Variants in THSD7A observed in about 807,000 individuals in gnomAD.
THSD7A encodes thrombospondin type 1 domain containing 7A.
Under a neutral mutation model 231.3 loss-of-function variants are expected in THSD7A, and 96 were observed. That is an observed-to-expected ratio of 0.41 (90% CI 0.35 to 0.49). THSD7A has a LOEUF of 0.49. Among genes scored for constraint, THSD7A ranks in the 20% least tolerant of loss-of-function variants. The pLI is 0.05. For synonymous variants in THSD7A, 940 were observed against 743.3 expected, an observed-to-expected ratio of 1.26 and a Z score of -4.30; for missense variants, 2,290 against 2,070.2, an observed-to-expected ratio of 1.11 and a Z score of -2.06.
chr7:11,779,835 G>A (rs1783566578), intron 1 of THSD7A, among the ~76,000 whole-genome samples: 1 of 152,126 alleles, frequency 6.6e-6, no homozygotes, highest in African/African-American at 2.4e-5. Flanking sequence ...GTGATATATA[G>A]AAGGAAGTAC....
intron 1 of THSD7A, among the ~76,000 whole-genome samples, chr7:11,780,998 A>C (rs1437266386): frequency 1.0e-4 from 2 of 19,256 alleles, no homozygotes; most frequent in African/African-American, 3.4e-4. Flanking sequence ...ACTCCGTCTC[A>C]AAAAAAAAAA....
chr7:11,720,827 T>A (rs1781325328), intron 1 of THSD7A, among the ~76,000 whole-genome samples: 2 of 151,642 alleles, frequency 1.3e-5, no homozygotes, highest in Non-Finnish European at 2.9e-5. Context: ...TTCCCTTGTG[T>A]TTCAGATTTT....
rs544119435 is a variant in THSD7A, at chr7:11,521,701, G to A, written c.1822+19718C>T. Among the ~76,000 whole-genome samples the A allele has an allele frequency of 6.4e-4, 51 of 79,488 alleles. 6 individuals carry two copies. Among genetic ancestry groups the A allele is most frequent in the Non-Finnish European group, 7.3e-4 (32 of 43,958 alleles). 52.1% of individuals were successfully genotyped at this position (79,488 alleles called of 152,430 possible). ...CAATGCTATCCCTCCCCCCTCCCCCGACCCCACCACGAGGATGCATTCATT... is the reference window on the plus strand; with the variant it reads ...CAATGCTATCCCTCCCCCCTCCCCCAACCCCACCACGAGGATGCATTCATT... On this transcript the variant is annotated intron_variant, in intron 6 of 27. Transcript: ENST00000423059.
rs112290472 is a variant in THSD7A, at chr7:11,530,643, C to T, written c.1822+10776G>A. On this transcript the variant is annotated intron_variant, in intron 6 of 27. Coordinates refer to ENST00000423059, the MANE Select transcript of THSD7A (RefSeq NM_015204.3). ...GGGGTAGAAAAGCCAACTGGTAAAA[C>T]GGACAAGACAGATGGTGGAGGACAT... Among the ~76,000 whole-genome samples, 481 of 152,180 alleles carry T rather than the reference C, an allele frequency of 3.2e-3. 2 individuals are homozygous for T. The highest frequency in any genetic ancestry group is 0.011 in the African/African-American group (454 of 41,546).
At chr7:11,389,338 C>G (rs1782886945) in intron 23 of THSD7A, among the ~76,000 whole-genome samples, 1 of 149,226 alleles carries the variant, frequency 6.7e-6, no homozygotes, top group Non-Finnish European at 1.5e-5. Flanking sequence ...GATCCCTTTA[C>G]CATATTTAAT....
At chr7:11,756,481 A>G (rs17165172) in intron 1 of THSD7A, among the ~76,000 whole-genome samples, 20,124 of 152,018 alleles carry the variant, frequency 0.13, 1,433 homozygotes, top group South Asian at 0.28. Context: ...TGTCTAATAC[A>G]CTTTTTTCTG....
chr7:11,665,863 C>A (rs1783109084), intron 1 of THSD7A, among the ~76,000 whole-genome samples: 1 of 152,014 alleles, frequency 6.6e-6, no homozygotes, highest in Non-Finnish European at 1.5e-5. Context: ...AAAAAATAGA[C>A]ACAAATTACA....
chr7:11,428,861 A>G, intron 14 of THSD7A, 86 bp downstream of exon 14: 3 of 1,467,572 alleles, frequency 2.0e-6, no homozygotes, highest in Non-Finnish European at 2.8e-6. Flanking sequence ...TTCAATAGCT[A>G]TTATTTCCTC....
chr7:11,474,167 G>A lies in THSD7A; in HGVS notation c.2252+167C>T, dbSNP rs1357228805. On this transcript the variant is annotated intron_variant, in intron 8 of 27. Coordinates refer to ENST00000423059, the MANE Select transcript of THSD7A (RefSeq NM_015204.3). The surrounding 1 kb of genome is among the most constrained non-coding windows in gnomAD (Gnocchi z 4.1). The stretch of plus-strand genomic sequence containing the variant: ...ATGGTTCCCCAGTATAAAACTCAAA[G>A]CTGTTATAGCTTTATCAGTGGCTGA... 6.6e-6 allele frequency among the ~76,000 whole-genome samples: 1 copy of A among 152,150 alleles called. No homozygotes were observed. Among genetic ancestry groups the A allele is most frequent in the Non-Finnish European group, 1.5e-5 (1 of 68,026 alleles).
Position 11,446,818 on chromosome 7 carries a change from C to T in THSD7A, c.2800+412G>A, listed in dbSNP as rs945489212. On this transcript the variant is annotated intron_variant, in intron 12 of 27. Coordinates refer to ENST00000423059, the MANE Select transcript of THSD7A (RefSeq NM_015204.3). This position sits in a 1 kb window ranked among gnomAD's most constrained non-coding sequence, Gnocchi z 4.0. ...TTAGTCATTACTATGGTTTAAAATA[C>T]AATTTTCAGATACAGAATTAATGCT... 6.6e-6 allele frequency among the ~76,000 whole-genome samples: 1 copy of T among 152,094 alleles called. No individual in the cohort carries two copies. Among genetic ancestry groups the T allele is most frequent in the Non-Finnish European group, 1.5e-5 (1 of 67,984 alleles).
chr7:11,620,606 GCTC>G (rs1160658580), intron 2 of THSD7A, among the ~76,000 whole-genome samples: 1 of 152,170 alleles, frequency 6.6e-6, no homozygotes, highest in Non-Finnish European at 1.5e-5. Context: ...TGGCTGAGCA[GCTC>G]CTCACAGTCC....
intron 11 of THSD7A, among the ~76,000 whole-genome samples, chr7:11,448,156 A>G (rs1785034645): frequency 6.6e-6 from 1 of 152,156 alleles, no homozygotes; most frequent in Non-Finnish European, 1.5e-5. Flanking sequence ...TTGTAGTTCT[A>G]AAATTACATA....
At chr7:11,456,305 C>A (rs1207082470) in intron 11 of THSD7A, among the ~76,000 whole-genome samples, 1 of 151,894 alleles carries the variant, frequency 6.6e-6, no homozygotes, top group African/African-American at 2.4e-5. Flanking sequence ...TTTCTGGTTT[C>A]ACCTTTAGCC....
intron 6 of THSD7A, among the ~76,000 whole-genome samples, chr7:11,497,081 T>TA (rs1283378987): frequency 3.3e-5 from 5 of 152,178 alleles, no homozygotes; most frequent in Non-Finnish European, 4.4e-5. Flanking sequence ...TAAGGAAACT[T>TA]ACAATCATGG....
At chr7:11,824,507 C>T (rs369410327) in intron 1 of THSD7A, among the ~76,000 whole-genome samples, 81 of 152,200 alleles carry the variant, frequency 5.3e-4, no homozygotes, top group African/African-American at 1.9e-3. Flanking sequence ...TCCTATTGTA[C>T]TCTTAATCTC....
chr7:11,484,874 A>ATTTTTTTTTTT (rs56353626), intron 6 of THSD7A, among the ~76,000 whole-genome samples: 826 of 53,826 alleles, frequency 0.015, 173 homozygotes, highest in Middle Eastern at 0.056. Context: ...CACAACCTTA[A>ATTTTTTTTTTT]TTTTTTTTTT....
chr7:11,568,418 G>A (rs981624307), intron 4 of THSD7A, among the ~76,000 whole-genome samples: 1 of 151,958 alleles, frequency 6.6e-6, no homozygotes, highest in Non-Finnish European at 1.5e-5. Flanking sequence ...GAGGTCAGGA[G>A]ATCGAGACCA....
At chr7:11,790,186 A>C (rs545632512) in intron 1 of THSD7A, among the ~76,000 whole-genome samples, 1 of 152,164 alleles carries the variant, frequency 6.6e-6, no homozygotes, top group Non-Finnish European at 1.5e-5. Flanking sequence ...CAAATTAAGT[A>C]GCTCAGCTAA....
chr7:11,723,294 G>A (rs950572743), intron 1 of THSD7A, among the ~76,000 whole-genome samples: 1 of 140,996 alleles, frequency 7.1e-6, no homozygotes, highest in Non-Finnish European at 1.5e-5. Context: ...ATTGACACAG[G>A]AAGGGGAACA....
Sources: gnomAD v4.1 joint callset for allele counts (sites outside exome capture counted in the v4.1 genomes callset) on GRCh38, gnomAD v4.1.1 for gene constraint, Gnocchi (gnomAD v3.1) non-coding constraint, MANE v1.5 for transcripts, NCBI Gene and HGNC (gene_info 2026-07-23, HGNC 2026-07-21) for gene names.